SLC9A2: variants seen among roughly 807,000 people sequenced by gnomAD.
SLC9A2 encodes solute carrier family 9 member A2, also known as sodium/hydrogen exchanger 2.
In SLC9A2, 42 loss-of-function variants were observed where a neutral mutation model predicts 71.7. The observed-to-expected ratio is 0.59, with a 90% CI of 0.46 to 0.76. The LOEUF is 0.76. Ranked by LOEUF, SLC9A2 falls within the 30% of genes least tolerant of loss-of-function variation. The pLI, the probability that SLC9A2 is intolerant of heterozygous loss-of-function variation, is 0.00. For synonymous variants in SLC9A2, 396 were observed against 392.5 expected, an observed-to-expected ratio of 1.01 and a Z score of -0.10; for missense variants, 829 against 1,017.4, an observed-to-expected ratio of 0.81 and a Z score of 2.52.
chr2:102,651,443 C>T (rs1174632717), intron 1 of SLC9A2, among the ~76,000 whole-genome samples: 1 of 152,210 alleles, frequency 6.6e-6, no homozygotes, highest in Non-Finnish European at 1.5e-5. Context: ...AAGGTGCTCC[C>T]AACTCAGGGC....
At chr2:102,622,785 A>G (rs769253317) in intron 1 of SLC9A2, among the ~76,000 whole-genome samples, 1 of 152,228 alleles carries the variant, frequency 6.6e-6, no homozygotes, top group Non-Finnish European at 1.5e-5. Context: ...GGACAGTGGT[A>G]TAGTCAAAGT....
chr2:102,678,769 T>C (rs982263362), intron 3 of SLC9A2, among the ~76,000 whole-genome samples: 17 of 152,182 alleles, frequency 1.1e-4, no homozygotes, highest in Admixed American at 9.8e-4. Flanking sequence ...GTGATTCTTT[T>C]AGAGAAATGG....
chr2:102,689,181 C>T (rs1386042394), intron 5 of SLC9A2, among the ~76,000 whole-genome samples: 3 of 152,158 alleles, frequency 2.0e-5, no homozygotes, highest in African/African-American at 7.2e-5. Flanking sequence ...CCTCCTTGTC[C>T]CATGGGGGTG....
intron 7 of SLC9A2, among the ~76,000 whole-genome samples, chr2:102,696,591 ACT>A (rs747040312): frequency 2.6e-5 from 4 of 152,148 alleles, no homozygotes. Context: ...CAGCAAGCAG[ACT>A]CCTGTGTGTG....
chr2:102,642,430 T>G (rs1005162045), intron 1 of SLC9A2, among the ~76,000 whole-genome samples: 4 of 120,868 alleles, frequency 3.3e-5, no homozygotes, highest in Non-Finnish European at 7.1e-5. Context: ...GATATAATCG[T>G]GTGGTTTTTT....
At chr2:102,664,544 C>T (rs1677100533) in intron 2 of SLC9A2, among the ~76,000 whole-genome samples, 1 of 151,572 alleles carries the variant, frequency 6.6e-6, no homozygotes. Context: ...TTACACCAGA[C>T]ATGTATGTGT....
At chr2:102,673,293 C>A (rs1376008910) in intron 3 of SLC9A2, among the ~76,000 whole-genome samples, 1 of 152,028 alleles carries the variant, frequency 6.6e-6, no homozygotes, top group African/African-American at 2.4e-5. Context: ...ATAATAAATC[C>A]AATAAATGCT....
At chr2:102,705,373 T>G (rs1558726076) in intron 10 of SLC9A2, among the ~76,000 whole-genome samples, 1 of 152,074 alleles carries the variant, frequency 6.6e-6, no homozygotes, top group African/African-American at 2.4e-5. Context: ...AAAGTTAATT[T>G]AAAACACTAG....
chr2:102,698,185 T>C (rs1210920645), intron 7 of SLC9A2, among the ~76,000 whole-genome samples: 1 of 151,990 alleles, frequency 6.6e-6, no homozygotes, highest in Non-Finnish European at 1.5e-5. Context: ...AACATAAAAC[T>C]CCAATTAAAA....
intron 1 of SLC9A2, among the ~76,000 whole-genome samples, chr2:102,622,126 TA>T (rs1362285791): frequency 6.6e-6 from 1 of 152,152 alleles, no homozygotes; most frequent in African/African-American, 2.4e-5. Context: ...AGAGATGGTA[TA>T]AGGGAGATGG....
intron 5 of SLC9A2, among the ~76,000 whole-genome samples, chr2:102,686,235 G>A (rs1476979545): frequency 6.6e-6 from 1 of 152,170 alleles, no homozygotes; most frequent in Non-Finnish European, 1.5e-5. Flanking sequence ...GAAGAGGAAA[G>A]TGGGGCACTG....
At position 102,657,654 on chromosome 2, in the gene SLC9A2, G is replaced by A. The variant is rs1284111142; in HGVS notation, c.380G>A (p.Gly127Asp). The change falls in exon 2 of 12, where the codon GGT (glycine) becomes GAT (aspartate). Residue 127 changes from glycine (G) to aspartate (D), a missense_variant. This residue lies in a region of SLC9A2 where 500 missense variants were observed against 726.3 expected (regional missense o/e 0.69). Coordinates refer to ENST00000233969, the MANE Select transcript of SLC9A2 (RefSeq NM_003048.6). Reference protein sequence around the residue: ...VGLLLGGIIFGVDEKSPPAMK... With the variant: ...VGLLLGGIIFDVDEKSPPAMK... ...CTTCTACTAGGTGGGATTATTTTTGGTGTTGATGAGAAGTCTCCCCCTGCA... is the reference window on the plus strand; with the variant it reads ...CTTCTACTAGGTGGGATTATTTTTGATGTTGATGAGAAGTCTCCCCCTGCA... The A allele has an allele frequency of 6.2e-7, 1 of 1,613,956 alleles. No individual in the cohort carries two copies. The highest frequency in any genetic ancestry group is 1.3e-5 in the African/African-American group (1 of 74,900).
chr2:102,692,834 G>A (rs1183190573), intron 5 of SLC9A2, among the ~76,000 whole-genome samples: 1 of 152,060 alleles, frequency 6.6e-6, no homozygotes, highest in African/African-American at 2.4e-5. Context: ...TAGGAATTGT[G>A]TTTTTCCTGA....
At chr2:102,694,044 A>T (rs2104548095) in intron 5 of SLC9A2, among the ~76,000 whole-genome samples, 1 of 152,180 alleles carries the variant, frequency 6.6e-6, no homozygotes, top group Non-Finnish European at 1.5e-5. Context: ...CCTGGCCCCA[A>T]GTGATCTGTC....
chr2:102,660,755 T>C (rs565583748), intron 2 of SLC9A2, among the ~76,000 whole-genome samples: 2 of 152,152 alleles, frequency 1.3e-5, no homozygotes, highest in African/African-American at 2.4e-5. Flanking sequence ...AATAGAAGAA[T>C]AGGGGTTAGT....
In SLC9A2 at chr2:102,620,129, C is replaced by T; in HGVS notation, c.281C>T (p.Ala94Val). The change falls in exon 1 of 12, where the codon GCC (alanine) becomes GTC (valine). Residue 94 changes from alanine to valine, a missense_variant. Transcript: ENST00000233969. ...ITLWILLASLAKIGFHLYHKL... is the reference protein window; with the variant it reads ...ITLWILLASLVKIGFHLYHKL... ...CTTTGGATCCTGCTGGCCTCCCTGG[C>T]CAAGATTGGTGAGCGAACTGGACTT... The T allele has an allele frequency of 6.2e-7, 1 of 1,602,112 alleles. No individual in the cohort carries two copies. The highest frequency in any genetic ancestry group is 8.5e-7 in the Non-Finnish European group (1 of 1,171,316).
chr2:102,677,544 C>G (rs1456364494), intron 3 of SLC9A2, among the ~76,000 whole-genome samples: 1 of 152,166 alleles, frequency 6.6e-6, no homozygotes, highest in Non-Finnish European at 1.5e-5. Flanking sequence ...TCCACTCTGT[C>G]CTACAGAATG....
chr2:102,626,774 A>C (rs1227886836), intron 1 of SLC9A2, among the ~76,000 whole-genome samples: 1 of 152,232 alleles, frequency 6.6e-6, no homozygotes. Context: ...ATATGAACAG[A>C]CACTTCTCAA....
rs372777131 is a variant in SLC9A2 at position 102,704,703 on chromosome 2, T to G, written c.1977+28T>G. On this transcript the variant is annotated intron_variant, in intron 10 of 11. Coordinates refer to ENST00000233969, the MANE Select transcript of SLC9A2 (RefSeq NM_003048.6). ...AACTGAGTGTGCGCCTCTAGGAGAC[T>G]TCCAGGGGTGGAGCCGACAGCTATT... is the stretch of plus-strand genomic sequence containing the variant. 2.9e-5 allele frequency: 46 copies of G among 1,601,302 alleles called. No homozygotes were observed. In the African/African-American group the frequency reaches 5.4e-4, roughly 19 times the overall value.
Sources: allele counts gnomAD v4.1 joint callset (sites outside exome capture counted in the v4.1 genomes callset), GRCh38; gene constraint gnomAD v4.1.1; regional missense constraint gnomAD v4.1.1; transcripts MANE v1.5; gene names NCBI Gene and HGNC (gene_info 2026-07-23, HGNC 2026-07-21).